The following TNFRSF10A variants were observed in gnomAD, a reference collection of about 807,000 sequenced individuals.
The protein encoded by TNFRSF10A is TNF receptor superfamily member 10a.
Under a neutral mutation model 42.8 loss-of-function variants are expected in TNFRSF10A, and 44 were observed. That is an observed-to-expected ratio of 1.03 (90% confidence interval 0.81 to 1.32). The LOEUF is 1.32. TNFRSF10A is among the 40% of genes most tolerant of loss of function. The probability of loss-of-function intolerance (pLI) is 0.00; values close to 1 mark genes in which losing one functional copy is unlikely to be tolerated. For synonymous variants in TNFRSF10A, 259 were observed against 234.2 expected (o/e 1.11, Z -0.97); for missense variants, 680 against 602.0 (o/e 1.13, Z -1.36).
In TNFRSF10A at chr8:23,191,752, T is replaced by A; in HGVS notation, c.1349A>T (p.Asp450Val). 1 of 1,614,072 alleles carries A rather than the reference T, an allele frequency of 6.2e-7. No homozygotes were observed. Among genetic ancestry groups the A allele is most frequent in the African/African-American group, 1.3e-5 (1 of 74,998 alleles). Residue 450 changes from aspartate (D) to valine (V), a missense_variant, in exon 10 of 10, where the codon GAC becomes GTC. Transcript: ENST00000221132. ...TTCTAAGTAGATGAACTTTCCAGAG[T>A]CCACCAAGAGGTCCTGAATCTTCTC... is the stretch of plus-strand genomic sequence containing the variant. ...AREKIQDLLV[D>V]SGKFIYLEDG...
rs944778735 is a variant in TNFRSF10A, at chr8:23,191,611, T to C, written c.*83A>G. On this transcript the variant is annotated 3_prime_UTR_variant, in exon 10 of 10. Transcript: ENST00000221132. The stretch of plus-strand genomic sequence containing the variant: ...CACTACACCTGGCTAAGAATTTACT[T>C]TGTATACATGTTAAAAAAAAAAAAA... The C allele has an allele frequency of 1.4e-5, 20 of 1,443,868 alleles. No homozygotes were observed. Among genetic ancestry groups the C allele is most frequent in the Non-Finnish European group, 1.8e-5 (20 of 1,103,958 alleles). 89.4% of individuals were successfully genotyped at this position (1,443,868 alleles called of 1,614,324 possible). A position where few individuals can be genotyped will look rare whatever the true frequency, so the allele number is the denominator to read the frequency against.
chr8:23,200,002 G>C, intron 6 of TNFRSF10A, 85 bp from the exon 7 acceptor site: 1 of 1,541,786 alleles, frequency 6.5e-7, no homozygotes, highest in Non-Finnish European at 8.9e-7. Context: ...GCAGGGGTGG[G>C]CTGGGGGCTG....
chr8:23,219,586 G>A (rs771061703), intron 1 of TNFRSF10A, among the ~76,000 whole-genome samples: 1 of 152,206 alleles, frequency 6.6e-6, no homozygotes, highest in Non-Finnish European at 1.5e-5. Context: ...CACTGTTAAG[G>A]AGAAAATCTT....
chr8:23,225,021 A>T lies in TNFRSF10A; in HGVS notation c.41T>A (p.Leu14Gln), dbSNP rs1200005068. Residue 14 changes from leucine (L) to glutamine (Q), a missense_variant, in exon 1 of 10, where the codon CTG (leucine) becomes CAG (glutamine). Coordinates refer to ENST00000221132, the MANE Select transcript of TNFRSF10A (RefSeq NM_003844.4). ...GCTCCCGGGATTCGGAGTCACTGCC[A>T]GGAACGCACCTAGATGTACTCTAGC... ...PPARVHLGAF[L>Q]AVTPNPGSAA... 2 of 1,581,372 alleles carry T rather than the reference A, an allele frequency of 1.3e-6. No homozygotes were observed. Among genetic ancestry groups the T allele is most frequent in the Non-Finnish European group, 1.7e-6 (2 of 1,162,986 alleles).
chr8:23,197,220 G>A lies in TNFRSF10A; in HGVS notation c.1015-16C>T. On this transcript the variant is annotated splice_polypyrimidine_tract_variant and intron_variant, in intron 8 of 9. Transcript: ENST00000221132. ...CTGCCGGTCCCTGTAACACACAGTG[G>A]GGAATGCCTTGGTCTGAGTCAGGGG... The A allele has an allele frequency of 6.2e-7, 1 of 1,614,064 alleles. No homozygotes were observed. Among genetic ancestry groups the A allele is most frequent in the Non-Finnish European group, 8.5e-7 (1 of 1,179,970 alleles).
At chr8:23,205,243 C>T (rs555528205) in intron 2 of TNFRSF10A, among the ~76,000 whole-genome samples, 4 of 152,120 alleles carry the variant, frequency 2.6e-5, no homozygotes, top group South Asian at 4.2e-4. Flanking sequence ...GATGACGTTT[C>T]GGTCAACAAT....
At chr8:23,224,600 G>T in intron 1 of TNFRSF10A, 156 bp downstream of exon 1, 1 of 1,049,722 alleles carries the variant, frequency 9.5e-7, no homozygotes, top group African/African-American at 1.7e-5. Context: ...CGGGGACCCC[G>T]TTCTTCCTCC....
intron 2 of TNFRSF10A, among the ~76,000 whole-genome samples, chr8:23,208,354 A>G (rs548256828): frequency 6.7e-4 from 102 of 152,306 alleles, no homozygotes; most frequent in Non-Finnish European, 1.3e-3. Context: ...TGTAAAAGGC[A>G]TTCAGTTTTT....
chr8:23,202,883 T>C lies in TNFRSF10A; in HGVS notation c.404-122A>G, dbSNP rs1295281760. The C allele has an allele frequency of 9.0e-6, 6 of 667,052 alleles. No homozygotes were observed. In the Admixed American group the frequency reaches 1.4e-4, roughly 16 times the overall value. 41.3% of individuals were successfully genotyped at this position (667,052 alleles called of 1,614,324 possible). A position where few individuals can be genotyped will look rare whatever the true frequency, so the allele number is the denominator to read the frequency against. ...CCCCAGACAGAGAAATCCCATCTTC[T>C]TGGCTTGGTCTTGTCGTCAATTCTG... On this transcript the variant is annotated intron_variant, in intron 2 of 9. Coordinates refer to ENST00000221132, the MANE Select transcript of TNFRSF10A (RefSeq NM_003844.4).
intron 2 of TNFRSF10A, among the ~76,000 whole-genome samples, chr8:23,210,027 T>C (rs4385477): frequency 0.2 from 29,774 of 152,172 alleles, 3,543 homozygotes; most frequent in South Asian, 0.36. Context: ...GCTGTTCTCA[T>C]TATAGTGAGT....
intron 2 of TNFRSF10A, among the ~76,000 whole-genome samples, chr8:23,204,098 A>G (rs1249837920): frequency 6.6e-6 from 1 of 151,984 alleles, no homozygotes; most frequent in East Asian, 1.9e-4. Flanking sequence ...TTCCTTGCTG[A>G]TGTGTTATGA....
chr8:23,199,243 G>A (rs372142171), intron 8 of TNFRSF10A, 23 bp downstream of exon 8: 5 of 1,603,594 alleles, frequency 3.1e-6, no homozygotes, highest in Non-Finnish European at 2.6e-6. Flanking sequence ...ACAAGGTCTT[G>A]GAGGGGCCTG....
At chr8:23,199,214 T>C in intron 8 of TNFRSF10A, 52 bp downstream of exon 8, 1 of 1,577,084 alleles carries the variant, frequency 6.3e-7, no homozygotes, top group Non-Finnish European at 8.7e-7. Flanking sequence ...AGCCGAGGCA[T>C]GGCCTTCACC....
At chr8:23,199,573 A>C in intron 7 of TNFRSF10A, 125 bp from the exon 8 acceptor site, 1 of 1,213,162 alleles carries the variant, frequency 8.2e-7, no homozygotes, top group Non-Finnish European at 1.1e-6. Flanking sequence ...GTCCATGCTC[A>C]GCACATCCAG....
intron 9 of TNFRSF10A, among the ~76,000 whole-genome samples, chr8:23,192,791 G>GT (rs1216697442): frequency 6.6e-6 from 1 of 152,112 alleles, no homozygotes; most frequent in Non-Finnish European, 1.5e-5. Flanking sequence ...CCATAGAAAG[G>GT]TTTTTTTGAT....
chr8:23,203,554 C>G (rs976577903), intron 2 of TNFRSF10A, among the ~76,000 whole-genome samples: 13 of 152,206 alleles, frequency 8.5e-5, no homozygotes, highest in African/African-American at 2.9e-4. Flanking sequence ...ACCTCCAGGG[C>G]TTCGCCCCTT....
At position 23,190,570 on chromosome 8, in the gene TNFRSF10A, A is replaced by G. The variant is rs1800741863; in HGVS notation, c.*1124T>C. 6.6e-6 allele frequency: 1 copy of G among 152,252 alleles called. No homozygotes were observed. The highest frequency in any genetic ancestry group is 2.4e-5 in the African/African-American group (1 of 41,464). 9.4% of individuals were successfully genotyped at this position (152,252 alleles called of 1,614,324 possible). A position where few individuals can be genotyped will look rare whatever the true frequency, so the allele number is the denominator to read the frequency against. ...CAAAAGTCCAAATTTCCAAAGGTAT[A>G]TGTACTTTAATTGTGACTTGAACTC... On this transcript the variant is annotated 3_prime_UTR_variant, in exon 10 of 10. Transcript: ENST00000221132.
chr8:23,215,072 T>C lies in TNFRSF10A; in HGVS notation c.307-2860A>G, dbSNP rs192754745. Among the ~76,000 whole-genome samples, 279 of 152,334 alleles carry C rather than the reference T, an allele frequency of 1.8e-3. 2 individuals are homozygous for C. The highest frequency in any genetic ancestry group is 2.9e-3 in the Non-Finnish European group (199 of 68,026). ...TGGTTATACGGGAGAATGTCCTTAT[T>C]TGTTGGAAATATCCACTCAAGTGTA... On this transcript the variant is annotated intron_variant, in intron 1 of 9. Transcript: ENST00000221132.
At chr8:23,217,722 A>G (rs1801204331) in intron 1 of TNFRSF10A, among the ~76,000 whole-genome samples, 3 of 152,128 alleles carry the variant, frequency 2.0e-5, no homozygotes, top group East Asian at 1.9e-4. Context: ...CCTAGAACCC[A>G]TGTTACTCAT....
Sources: allele counts gnomAD v4.1 joint callset (sites outside exome capture counted in the v4.1 genomes callset), GRCh38; gene constraint gnomAD v4.1.1; transcripts MANE v1.5; gene names NCBI Gene and HGNC (gene_info 2026-07-23, HGNC 2026-07-21).